The following DCDC2C variants were observed in gnomAD, a reference collection of about 807,000 sequenced individuals.
The protein encoded by DCDC2C is doublecortin domain containing 2C.
Under a neutral mutation model 45.0 loss-of-function variants are expected in DCDC2C, and 44 were observed. That is an observed-to-expected ratio of 0.98 (90% confidence interval 0.77 to 1.26). The LOEUF (loss-of-function observed/expected upper bound fraction) is 1.26. Ranked by LOEUF, DCDC2C falls within the 50% of genes most tolerant of loss-of-function variation. DCDC2C has a pLI of 0.00. For synonymous variants in DCDC2C, 187 were observed against 178.8 expected (o/e 1.05, Z -0.37); for missense variants, 447 against 468.9 (o/e 0.95, Z 0.43).
chr2:3,707,964 C>A (rs2148040090), intron 1 of DCDC2C, among the ~76,000 whole-genome samples: 1 of 152,140 alleles, frequency 6.6e-6, no homozygotes, highest in South Asian at 2.1e-4. Context: ...TTATTTATTA[C>A]CCATGAAAAC....
At chr2:3,768,409 C>T (rs1572601170) in intron 7 of DCDC2C, among the ~76,000 whole-genome samples, 1 of 152,206 alleles carries the variant, frequency 6.6e-6, no homozygotes, top group East Asian at 1.9e-4. Flanking sequence ...GAGGCACATT[C>T]ATGTCCCGTC....
In DCDC2C at chr2:3,847,854, T is replaced by C. The variant is rs375713114; in HGVS notation, c.*671T>C. 3.9e-5 allele frequency among the ~76,000 whole-genome samples: 6 copies of C among 152,250 alleles called. No homozygotes were observed. Among genetic ancestry groups the C allele is most frequent in the African/African-American group, 1.4e-4 (6 of 41,550 alleles). Reference sequence around the variant, plus strand: ...TTAAAAGTGTGTAGCACTTCCCCCTTCACTCTCTCTCTCCTGCTCTGCCAT... The same window carrying C: ...TTAAAAGTGTGTAGCACTTCCCCCTCCACTCTCTCTCTCCTGCTCTGCCAT... On this transcript the variant is annotated 3_prime_UTR_variant, in exon 11 of 11. Transcript: ENST00000399143.
At chr2:3,807,379 T>C (rs1451600977) in intron 10 of DCDC2C, among the ~76,000 whole-genome samples, 2 of 152,176 alleles carry the variant, frequency 1.3e-5, no homozygotes, top group Non-Finnish European at 2.9e-5. Flanking sequence ...TATAGCTCTG[T>C]AAAGTCTGTA....
intron 10 of DCDC2C, among the ~76,000 whole-genome samples, chr2:3,843,037 G>T (rs12612077): frequency 0.094 from 14,353 of 152,250 alleles, 1,117 homozygotes; most frequent in East Asian, 0.4. Flanking sequence ...TAAGGATTTT[G>T]GTCTTTATCC....
intron 10 of DCDC2C, among the ~76,000 whole-genome samples, chr2:3,827,414 G>C (rs1162440785): frequency 2.0e-5 from 3 of 152,150 alleles, no homozygotes; most frequent in African/African-American, 7.2e-5. Flanking sequence ...TCCCAAGCTG[G>C]AGTGAGAGCT....
At chr2:3,835,615 A>C (rs1430222514) in intron 10 of DCDC2C, among the ~76,000 whole-genome samples, 1 of 152,238 alleles carries the variant, frequency 6.6e-6, no homozygotes, top group African/African-American at 2.4e-5. Context: ...GAAAGGAAGT[A>C]ACAGTGAACT....
At chr2:3,812,780 C>T (rs923469887) in intron 10 of DCDC2C, among the ~76,000 whole-genome samples, 18 of 152,180 alleles carry the variant, frequency 1.2e-4, no homozygotes, top group African/African-American at 3.6e-4. Flanking sequence ...TACATTTCCT[C>T]TTTGTTCTCA....
At chr2:3,794,829 G>A (rs1375425166) in intron 10 of DCDC2C, among the ~76,000 whole-genome samples, 2 of 152,278 alleles carry the variant, frequency 1.3e-5, no homozygotes, top group South Asian at 4.2e-4. Context: ...AAACATACGT[G>A]TGCATGTGTC....
chr2:3,744,728 T>C (rs565161698), intron 4 of DCDC2C, among the ~76,000 whole-genome samples: 40 of 152,318 alleles, frequency 2.6e-4, no homozygotes, highest in African/African-American at 8.9e-4. Flanking sequence ...CGATGAAAAC[T>C]GATGTCCACT....
intron 2 of DCDC2C, chr2:3,725,839 A>T (rs562141092): frequency 5.9e-6 from 1 of 169,110 alleles, no homozygotes. Flanking sequence ...CCAGAGGGAG[A>T]TGAGCAGAGA....
In DCDC2C at chr2:3,761,940, CCAA is replaced by C. The variant is rs1558214456; in HGVS notation, c.727-5811_727-5809del. 6.6e-6 allele frequency among the ~76,000 whole-genome samples: 1 copy of C among 152,108 alleles called. No homozygotes were observed. Among genetic ancestry groups the C allele is most frequent in the East Asian group, 1.9e-4 (1 of 5,194 alleles). On this transcript the variant is annotated intron_variant, in intron 6 of 10. Transcript: ENST00000399143. The surrounding 1 kb of genome is among the most constrained non-coding windows in gnomAD (Gnocchi z 4.3). ...TTTAAAGCACTGCAGAGAAATAAAACCAACATACGTGAGGTTCATTTTCTGAAA... is the reference window on the plus strand; with the variant it reads ...TTTAAAGCACTGCAGAGAAATAAAACCATACGTGAGGTTCATTTTCTGAAA...
intron 10 of DCDC2C, among the ~76,000 whole-genome samples, chr2:3,799,657 G>T (rs1572627501): frequency 6.6e-6 from 1 of 152,356 alleles, no homozygotes; most frequent in East Asian, 1.9e-4. Context: ...CCTGCTGGGG[G>T]GTGCCTCCCA....
chr2:3,784,540 A>G (rs1173560620), intron 9 of DCDC2C, among the ~76,000 whole-genome samples: 2 of 151,968 alleles, frequency 1.3e-5, no homozygotes, highest in African/African-American at 4.8e-5. Context: ...CTCTTCCTCC[A>G]AGAGCATCCT....
intron 5 of DCDC2C, 23 bp from the exon 6 acceptor site, chr2:3,754,569 G>C: frequency 6.5e-7 from 1 of 1,548,438 alleles, no homozygotes; most frequent in Non-Finnish European, 8.7e-7. Context: ...TACATTTCAA[G>C]TTGAACATCT....
intron 10 of DCDC2C, among the ~76,000 whole-genome samples, chr2:3,807,894 A>T (rs1484446079): frequency 2.6e-5 from 4 of 152,178 alleles, no homozygotes; most frequent in African/African-American, 9.7e-5. Flanking sequence ...ACAACAGCTC[A>T]TTCCTGTCAA....
intron 10 of DCDC2C, among the ~76,000 whole-genome samples, chr2:3,815,049 T>G (rs916386875): frequency 2.6e-5 from 4 of 152,256 alleles, no homozygotes; most frequent in Non-Finnish European, 5.9e-5. Context: ...CTGCAGCTGG[T>G]GCTGGTTGCC....
At chr2:3,769,599 C>T (rs1189515798) in intron 8 of DCDC2C, among the ~76,000 whole-genome samples, 188 bp downstream of exon 8, 1 of 152,202 alleles carries the variant, frequency 6.6e-6, no homozygotes, top group African/African-American at 2.4e-5. Context: ...TCCCACCTCC[C>T]CCACAGCTTC....
chr2:3,815,322 G>T (rs1416417017), intron 10 of DCDC2C, among the ~76,000 whole-genome samples: 1 of 151,960 alleles, frequency 6.6e-6, no homozygotes, highest in African/African-American at 2.4e-5. Context: ...CCGCTGCACT[G>T]CATTGTTCTT....
At chr2:3,812,230 T>C (rs1264190625) in intron 10 of DCDC2C, among the ~76,000 whole-genome samples, 1 of 151,854 alleles carries the variant, frequency 6.6e-6, no homozygotes, top group Non-Finnish European at 1.5e-5. Flanking sequence ...TTTTGGTTGG[T>C]AGGCTATTAA....
Sources: gnomAD v4.1 joint callset for allele counts (sites outside exome capture counted in the v4.1 genomes callset) on GRCh38, gnomAD v4.1.1 for gene constraint, Gnocchi (gnomAD v3.1) non-coding constraint, MANE v1.5 for transcripts, NCBI Gene and HGNC (gene_info 2026-07-23, HGNC 2026-07-21) for gene names.